AFG2A: variants seen among roughly 807,000 people sequenced by gnomAD.
AFG2A encodes the protein AAA ATPase AFG2A, also known as ATPase family gene 2 protein homolog A.
chr4:122,938,027 TA>T, the AFG2A span: 1 of 1,183,680 alleles, frequency 8.4e-7, no homozygotes. Flanking sequence ...AAGTGAATTC[TA>T]AATTTGATAT....
the AFG2A span, among the ~76,000 whole-genome samples, chr4:123,142,907 C>T: frequency 1.3e-5 from 2 of 152,022 alleles, no homozygotes; most frequent in Non-Finnish European, 2.9e-5. Flanking sequence ...CCTTGAGACG[C>T]AATAGCTATT....
the AFG2A span, among the ~76,000 whole-genome samples, chr4:123,188,467 GAC>G: frequency 6.6e-6 from 1 of 152,096 alleles, no homozygotes; most frequent in African/African-American, 2.4e-5. Context: ...CAGAATCTTT[GAC>G]TAGAAGGAGG....
the AFG2A span, among the ~76,000 whole-genome samples, chr4:123,150,234 T>TCA: frequency 2.0e-4 from 30 of 152,140 alleles, no homozygotes; most frequent in Admixed American, 7.2e-4. Flanking sequence ...ATGCCCTCTC[T>TCA]CACCACTCCT....
At chr4:123,318,310 G>A in the AFG2A span, 14 of 152,326 alleles carry the variant, frequency 9.2e-5, no homozygotes, top group Admixed American at 2.6e-4. Context: ...GAGACATTAT[G>A]TCTGGGAATA....
At chr4:123,275,894 A>T in the AFG2A span, among the ~76,000 whole-genome samples, 1 of 152,168 alleles carries the variant, frequency 6.6e-6, no homozygotes, top group Non-Finnish European at 1.5e-5. Context: ...ATCTACTATT[A>T]ATGAGCATCT....
the AFG2A span, among the ~76,000 whole-genome samples, chr4:123,134,184 CTCTG>C: frequency 6.6e-6 from 1 of 152,002 alleles, no homozygotes; most frequent in African/African-American, 2.4e-5. Flanking sequence ...TCCAAGAAAT[CTCTG>C]TCTGTGGAGC....
At chr4:123,083,386 T>A in the AFG2A span, among the ~76,000 whole-genome samples, 11 of 142,462 alleles carry the variant, frequency 7.7e-5, no homozygotes, top group Non-Finnish European at 3.0e-5. Flanking sequence ...AATATTTTCT[T>A]CATCTATTTA....
the AFG2A span, among the ~76,000 whole-genome samples, chr4:123,299,795 C>G: frequency 4.6e-5 from 7 of 152,190 alleles, no homozygotes; most frequent in African/African-American, 1.7e-4. Context: ...ATTTTAAAAA[C>G]TAGATGAATA....
the AFG2A span, among the ~76,000 whole-genome samples, chr4:123,106,482 A>G: frequency 4.6e-5 from 7 of 152,086 alleles, no homozygotes; most frequent in African/African-American, 1.7e-4. Context: ...GAATTTTACA[A>G]TATGTGGGGT....
chr4:123,050,739 C>CTTTTTTTTTTTTTTTTT, the AFG2A span, among the ~76,000 whole-genome samples: 2 of 140,308 alleles, frequency 1.4e-5, no homozygotes, highest in African/African-American at 5.3e-5. Context: ...ATAGTTGTGT[C>CTTTTTTTTTTTTTTTTT]TTTTTTTTTT....
chr4:122,957,685 C>T, the AFG2A span, among the ~76,000 whole-genome samples: 76 of 152,230 alleles, frequency 5.0e-4, no homozygotes, highest in Middle Eastern at 3.4e-3. Context: ...TGCTCTCAGT[C>T]CTTTGAAATA....
At chr4:123,170,134 A>G in the AFG2A span, among the ~76,000 whole-genome samples, 1 of 152,138 alleles carries the variant, frequency 6.6e-6, no homozygotes, top group Admixed American at 6.5e-5. Context: ...GTACTCTTTG[A>G]CTACAGTTCT....
At chr4:122,950,168 C>G in the AFG2A span, among the ~76,000 whole-genome samples, 1 of 152,096 alleles carries the variant, frequency 6.6e-6, no homozygotes, top group Non-Finnish European at 1.5e-5. Context: ...TGGTAAGCAG[C>G]GTGTCCACAG....
the AFG2A span, among the ~76,000 whole-genome samples, chr4:123,108,494 C>T: frequency 1.3e-5 from 2 of 151,854 alleles, no homozygotes; most frequent in Non-Finnish European, 2.9e-5. Flanking sequence ...TAATGTTTAC[C>T]TTTTTGTTAT....
chr4:123,259,329 G>A, the AFG2A span, among the ~76,000 whole-genome samples: 9 of 152,112 alleles, frequency 5.9e-5, no homozygotes, highest in Non-Finnish European at 1.3e-4. Flanking sequence ...TTTTTCCTTC[G>A]TGGAGAGGGT....
chr4:122,997,502 A>G, the AFG2A span, among the ~76,000 whole-genome samples: 1 of 152,064 alleles, frequency 6.6e-6, no homozygotes, highest in Non-Finnish European at 1.5e-5. Flanking sequence ...ATCATATTCC[A>G]TTGTGTTGAT....
chr4:123,248,619 A>G, the AFG2A span, among the ~76,000 whole-genome samples: 4 of 152,190 alleles, frequency 2.6e-5, no homozygotes, highest in Non-Finnish European at 4.4e-5. Context: ...TCTTCTATCT[A>G]TTAGGAAAGG....
chr4:123,133,092 T>G, the AFG2A span, among the ~76,000 whole-genome samples: 1 of 152,126 alleles, frequency 6.6e-6, no homozygotes, highest in Non-Finnish European at 1.5e-5. Context: ...TTTCAATCCT[T>G]TGTGTATACA....
the AFG2A span, chr4:122,938,136 A>G: frequency 9.4e-6 from 15 of 1,603,174 alleles, no homozygotes; most frequent in Non-Finnish European, 1.3e-5. Context: ...ACACCCATCA[A>G]TTATTTTTAT....
Sources: allele counts gnomAD v4.1 joint callset (sites outside exome capture counted in the v4.1 genomes callset), GRCh38; gene constraint gnomAD v4.1.1; transcripts MANE v1.5; gene names NCBI Gene and HGNC (gene_info 2026-07-23, HGNC 2026-07-21).